Variants in JAKMIP1 observed in about 807,000 individuals in gnomAD.
JAKMIP1 encodes the protein janus kinase and microtubule-interacting protein 1.
A neutral mutation model predicts 113.0 loss-of-function variants in JAKMIP1; 33 were observed. That is an observed-to-expected ratio of 0.29 (90% confidence interval 0.22 to 0.39). The LOEUF is 0.39. Among genes scored for constraint, JAKMIP1 ranks in the 10% least tolerant of loss-of-function variants. The pLI is 1.00. For synonymous variants in JAKMIP1, 480 were observed against 459.9 expected, an observed-to-expected ratio of 1.04 and a Z score of -0.56; for missense variants, 813 against 1,080.5, an observed-to-expected ratio of 0.75 and a Z score of 3.47.
At position 6,065,402 on chromosome 4, in the gene JAKMIP1, C is replaced by T. The variant is rs1717923670; in HGVS notation, c.1303-394G>A. Among the ~76,000 whole-genome samples the T allele has an allele frequency of 6.6e-6, 1 of 152,252 alleles. No individual in the cohort carries two copies. Among genetic ancestry groups the T allele is most frequent in the Admixed American group, 6.5e-5 (1 of 15,288 alleles). On this transcript the variant is annotated intron_variant, in intron 8 of 20. Coordinates refer to ENST00000409021, the MANE Select transcript of JAKMIP1 (RefSeq NM_001099433.2). The surrounding 1 kb of genome is among the most constrained non-coding windows in gnomAD (Gnocchi z 5.1). The stretch of plus-strand genomic sequence containing the variant: ...AAGCAGCCCAGCACTCCGTCACGCT[C>T]CATGAGCAGCGCACTGGCTGTACCA...
intron 5 of JAKMIP1, among the ~76,000 whole-genome samples, 156 bp downstream of exon 5, chr4:6,084,690 A>C (rs1721030940): frequency 6.6e-6 from 1 of 152,156 alleles, no homozygotes; most frequent in Admixed American, 6.5e-5. Context: ...TTCTTCAATG[A>C]GCATGTGTTA....
intron 1 of JAKMIP1, among the ~76,000 whole-genome samples, chr4:6,130,085 G>A (rs4580721): frequency 0.59 from 89,867 of 152,104 alleles, 27,034 homozygotes; most frequent in Middle Eastern, 0.71. Flanking sequence ...GCCAACCCCA[G>A]AAAGATCAGA....
intron 1 of JAKMIP1, among the ~76,000 whole-genome samples, chr4:6,182,790 A>C (rs752043021): frequency 1.3e-5 from 2 of 152,236 alleles, no homozygotes; most frequent in African/African-American, 4.8e-5. Context: ...GTGGAGTGAC[A>C]GTGTGAGTTT....
Position 6,105,926 on chromosome 4 carries a change from C to T in JAKMIP1, c.171G>A (p.Glu57=). The change falls in exon 3 of 21, where the codon GAG becomes GAA. Residue 57 remains glutamate (E), a synonymous_variant. Coordinates refer to ENST00000409021, the MANE Select transcript of JAKMIP1 (RefSeq NM_001099433.2). Reference sequence around the variant, plus strand: ...TGTGCCGTCGCTGCTCCTGCTCGCGCTCCAGCTTCGCCTCCTGCAGCCGCT... The same window carrying T: ...TGTGCCGTCGCTGCTCCTGCTCGCGTTCCAGCTTCGCCTCCTGCAGCCGCT... ...LRERLQEAKL[E]REQEQRRHTA... The T allele has an allele frequency of 6.2e-7, 1 of 1,609,970 alleles. No homozygotes were observed. The highest frequency in any genetic ancestry group is 8.5e-7 in the Non-Finnish European group (1 of 1,178,924).
chr4:6,163,275 A>G (rs1358037824), intron 1 of JAKMIP1, among the ~76,000 whole-genome samples: 2 of 151,906 alleles, frequency 1.3e-5, no homozygotes, highest in East Asian at 1.9e-4. Context: ...CATTTTTCCA[A>G]CAGCCCACCT....
intron 1 of JAKMIP1, among the ~76,000 whole-genome samples, chr4:6,166,425 G>A (rs1723641911): frequency 6.6e-6 from 1 of 152,168 alleles, no homozygotes; most frequent in Non-Finnish European, 1.5e-5. Context: ...AGGTCAATAA[G>A]CTACCTGAAG....
In JAKMIP1 at chr4:6,138,826, G is replaced by A. The variant is rs1221100760; in HGVS notation, c.-147-25829C>T. On this transcript the variant is annotated intron_variant, in intron 1 of 20. Transcript: ENST00000409021. The surrounding 1 kb of genome is among the most constrained non-coding windows in gnomAD (Gnocchi z 6.0). ...TCAGTTTCCCCTAACCTGGAAAAATGAGGAAAATCATAGTACCTGCCCCGG... is the reference window on the plus strand; with the variant it reads ...TCAGTTTCCCCTAACCTGGAAAAATAAGGAAAATCATAGTACCTGCCCCGG... Among the ~76,000 whole-genome samples, 1 of 152,128 alleles carries A rather than the reference G, an allele frequency of 6.6e-6. No individual in the cohort carries two copies. The highest frequency in any genetic ancestry group is 2.4e-5 in the African/African-American group (1 of 41,374).
In JAKMIP1 at chr4:6,089,620, C is replaced by T. The variant is rs766817716; in HGVS notation, c.625-3991G>A. Reference sequence around the variant, plus strand: ...CCCCTCTGCCCCAAAGGAACAGAGTCCGGTTGTTTCTAAGCAGTCAAGTCC... The same window carrying T: ...CCCCTCTGCCCCAAAGGAACAGAGTTCGGTTGTTTCTAAGCAGTCAAGTCC... On this transcript the variant is annotated intron_variant, in intron 3 of 20. Transcript: ENST00000409021. The surrounding 1 kb of genome is among the most constrained non-coding windows in gnomAD (Gnocchi z 5.3). Among the ~76,000 whole-genome samples, 2 of 152,270 alleles carry T rather than the reference C, an allele frequency of 1.3e-5. No homozygotes were observed. Among genetic ancestry groups the T allele is most frequent in the Middle Eastern group, 3.4e-3 (1 of 294 alleles).
rs1720194433 is a variant in JAKMIP1 at position 6,141,801 on chromosome 4, C to T, written c.-147-28804G>A. Among the ~76,000 whole-genome samples, 1 of 152,336 alleles carries T rather than the reference C, an allele frequency of 6.6e-6. No individual in the cohort carries two copies. The highest frequency in any genetic ancestry group is 1.9e-4 in the East Asian group (1 of 5,184). On this transcript the variant is annotated intron_variant, in intron 1 of 20. Transcript: ENST00000409021. This position sits in a 1 kb window ranked among gnomAD's most constrained non-coding sequence, Gnocchi z 9.4. The stretch of plus-strand genomic sequence containing the variant: ...CACTCTTCGGCAACCTCCCTGGCCA[C>T]TGAGCAGCCCGGTGGGAGCGGAAGT...
rs573018613 is a variant in JAKMIP1, at chr4:6,141,427, C to A, written c.-147-28430G>T. ...CCCCAGCCTGGGCGACAGAGTGAAA[C>A]CCTGTCTCAAAATAAATAAATAAAT... On this transcript the variant is annotated intron_variant, in intron 1 of 20. Coordinates refer to ENST00000409021, the MANE Select transcript of JAKMIP1 (RefSeq NM_001099433.2). This position sits in a 1 kb window ranked among gnomAD's most constrained non-coding sequence, Gnocchi z 9.4. Among the ~76,000 whole-genome samples the A allele has an allele frequency of 6.6e-6, 1 of 151,586 alleles. No homozygotes were observed. Among genetic ancestry groups the A allele is most frequent in the South Asian group, 2.1e-4 (1 of 4,816 alleles).
At chr4:6,160,530 C>T (rs1278145764) in intron 1 of JAKMIP1, among the ~76,000 whole-genome samples, 1 of 152,148 alleles carries the variant, frequency 6.6e-6, no homozygotes, top group Admixed American at 6.5e-5. Flanking sequence ...GCATGCCCTG[C>T]TCCCTGGCCC....
chr4:6,030,811 C>A (rs770717213), intron 19 of JAKMIP1, among the ~76,000 whole-genome samples: 1 of 152,218 alleles, frequency 6.6e-6, no homozygotes, highest in Non-Finnish European at 1.5e-5. Flanking sequence ...CCTGTGTCAG[C>A]ATCACCCAGA....
chr4:6,082,407 C>T (rs754862247), intron 5 of JAKMIP1, among the ~76,000 whole-genome samples: 10 of 151,746 alleles, frequency 6.6e-5, no homozygotes, highest in Non-Finnish European at 1.0e-4. Context: ...AAGATACATA[C>T]GTGTCTTTAC....
intron 12 of JAKMIP1, chr4:6,054,606 T>G (rs2108772681): frequency 5.2e-6 from 2 of 383,588 alleles, no homozygotes; most frequent in East Asian, 1.5e-4. Flanking sequence ...GGGCCCCTCC[T>G]GCTTCCCCAC....
intron 5 of JAKMIP1, among the ~76,000 whole-genome samples, chr4:6,083,592 C>T (rs1480588964): frequency 6.8e-6 from 1 of 147,708 alleles, no homozygotes; most frequent in Non-Finnish European, 1.5e-5. Context: ...ATTAGATGTA[C>T]AGTCTGATTA....
rs140990106 is a variant in JAKMIP1 at position 6,143,151 on chromosome 4, C to A, written c.-147-30154G>T. On this transcript the variant is annotated intron_variant, in intron 1 of 20. Transcript: ENST00000409021. This position sits in a 1 kb window ranked among gnomAD's most constrained non-coding sequence, Gnocchi z 4.9. ...ATTAAGCAGAAAGCAGCACAGCTCTCCCCTGTGAGTACGAGCTAAGTTAAC... is the reference window on the plus strand; with the variant it reads ...ATTAAGCAGAAAGCAGCACAGCTCTACCCTGTGAGTACGAGCTAAGTTAAC... Among the ~76,000 whole-genome samples the A allele has an allele frequency of 5.8e-3, 886 of 152,318 alleles. 7 individuals are homozygous for A. The highest frequency in any genetic ancestry group is 0.02 in the African/African-American group (833 of 41,576).
intron 1 of JAKMIP1, among the ~76,000 whole-genome samples, chr4:6,125,032 C>A (rs920880046): frequency 6.6e-6 from 1 of 152,152 alleles, no homozygotes; most frequent in Non-Finnish European, 1.5e-5. Flanking sequence ...GAGAGGAGAA[C>A]CTGCCTCTTC....
chr4:6,060,247 G>T (rs752224801), intron 11 of JAKMIP1, among the ~76,000 whole-genome samples, 177 bp downstream of exon 11: 9 of 152,190 alleles, frequency 5.9e-5, no homozygotes, highest in Non-Finnish European at 1.2e-4. Flanking sequence ...TCGGCACACA[G>T]GTACAGTAGG....
chr4:6,081,532 A>C lies in JAKMIP1; in HGVS notation c.1101+77T>G. The C allele has an allele frequency of 6.4e-7, 1 of 1,551,212 alleles. No individual in the cohort carries two copies. Among genetic ancestry groups the C allele is most frequent in the Non-Finnish European group, 8.8e-7 (1 of 1,134,336 alleles). On this transcript the variant is annotated intron_variant, in intron 6 of 20. Coordinates refer to ENST00000409021, the MANE Select transcript of JAKMIP1 (RefSeq NM_001099433.2). This position sits in a 1 kb window ranked among gnomAD's most constrained non-coding sequence, Gnocchi z 4.6. ...AGCAGGTGCGCCCCAGAACATGTGA[A>C]TCGGGAGGTTCAGGGCTGAAGAATC...
Sources: gnomAD v4.1 joint callset for allele counts (sites outside exome capture counted in the v4.1 genomes callset) on GRCh38, gnomAD v4.1.1 for gene constraint, Gnocchi (gnomAD v3.1) non-coding constraint, MANE v1.5 for transcripts, NCBI Gene and HGNC (gene_info 2026-07-23, HGNC 2026-07-21) for gene names.